The following PUS7 variants were observed in gnomAD, a reference collection of about 807,000 sequenced individuals.
PUS7 encodes the protein pseudouridine synthase 7.
PUS7 carries 48 observed loss-of-function variants against 79.8 expected under a neutral mutation model. The observed-to-expected ratio is 0.60, with a 90% CI of 0.48 to 0.76. The LOEUF is 0.76. Among genes scored for constraint, PUS7 ranks in the 30% least tolerant of loss-of-function variants. PUS7 has a pLI of 0.00. For synonymous variants in PUS7, 286 were observed against 272.2 expected, an observed-to-expected ratio of 1.05 and a Z score of -0.50; for missense variants, 729 against 797.6, an observed-to-expected ratio of 0.91 and a Z score of 1.04.
intron 7 of PUS7, among the ~76,000 whole-genome samples, chr7:105,484,855 ATTTTTTTTTTTT>A: frequency 8.6e-6 from 1 of 116,858 alleles, no homozygotes; most frequent in East Asian, 2.8e-4. Context: ...CCAGTCAGAG[ATTTTTTTTTTTT>A]TTTTTTTTTT....
At chr7:105,518,233 C>T (rs969152462) in intron 1 of PUS7, among the ~76,000 whole-genome samples, 5 of 151,754 alleles carry the variant, frequency 3.3e-5, no homozygotes, top group African/African-American at 7.3e-5. Context: ...AGATCCACTG[C>T]GCCCAGGACG....
intron 14 of PUS7, chr7:105,462,356 TG>T: frequency 3.0e-6 from 1 of 335,734 alleles, no homozygotes. Flanking sequence ...CGCTTGAACC[TG>T]GGAGGCAGAA....
chr7:105,481,505 A>C (rs751992265), intron 8 of PUS7, among the ~76,000 whole-genome samples: 1 of 152,142 alleles, frequency 6.6e-6, no homozygotes, highest in Non-Finnish European at 1.5e-5. Flanking sequence ...TAGTGTTCCA[A>C]TAATGGAACA....
rs1825551836 is a variant in PUS7, at chr7:105,508,273, A to C, written c.240T>G (p.Asp80Glu). 1.2e-6 allele frequency: 2 copies of C among 1,613,936 alleles called. No individual in the cohort carries two copies. Among genetic ancestry groups the C allele is most frequent in the Middle Eastern group, 1.7e-4 (1 of 6,060 alleles). The change falls in exon 2 of 16, where the codon GAT becomes GAG. Residue 80 changes from aspartate to glutamate, a missense_variant. Coordinates refer to ENST00000469408, the MANE Select transcript of PUS7 (RefSeq NM_019042.5). ...GTCCATCTTCCTCCTCTTCTTCCTC[A>C]TCTTCCAACTGAGCCTCAGAATTCT... ...GGKNSEAQLEDEEEEEEDGLS... is the reference protein window; with the variant it reads ...GGKNSEAQLEEEEEEEEDGLS...
intron 12 of PUS7, among the ~76,000 whole-genome samples, chr7:105,466,718 G>C (rs1438462593): frequency 6.6e-6 from 1 of 150,896 alleles, no homozygotes; most frequent in Non-Finnish European, 1.5e-5. Flanking sequence ...ATTTGCAGTG[G>C]CATCATAAAT....
intron 1 of PUS7, among the ~76,000 whole-genome samples, chr7:105,509,971 T>C (rs865999812): frequency 6.6e-6 from 1 of 152,198 alleles, no homozygotes; most frequent in African/African-American, 2.4e-5. Flanking sequence ...CATTTGAAGC[T>C]TGTTTGATGT....
intron 7 of PUS7, among the ~76,000 whole-genome samples, chr7:105,488,166 G>A (rs1440122886): frequency 6.6e-6 from 1 of 152,212 alleles, no homozygotes; most frequent in African/African-American, 2.4e-5. Context: ...TCCTGATGAA[G>A]TGTGACATCT....
intron 11 of PUS7, among the ~76,000 whole-genome samples, chr7:105,468,962 C>A (rs1315558763): frequency 6.6e-6 from 1 of 151,836 alleles, no homozygotes; most frequent in Non-Finnish European, 1.5e-5. Context: ...AGTGCAGTGG[C>A]ATGATCATGG....
At chr7:105,513,344 T>C (rs1240852980) in intron 1 of PUS7, among the ~76,000 whole-genome samples, 1 of 152,138 alleles carries the variant, frequency 6.6e-6, no homozygotes. Flanking sequence ...CTCCTCTCCT[T>C]ATGCAGAAAA....
chr7:105,504,103 CTT>C (rs1825362142), intron 4 of PUS7, among the ~76,000 whole-genome samples: 1 of 143,164 alleles, frequency 7.0e-6, no homozygotes. Context: ...CAGTTTCACT[CTT>C]GTTGCCCAGG....
At chr7:105,498,123 A>C (rs572058245) in intron 5 of PUS7, among the ~76,000 whole-genome samples, 10 of 152,356 alleles carry the variant, frequency 6.6e-5, no homozygotes, top group African/African-American at 2.4e-4. Flanking sequence ...TAGCAAATCC[A>C]AGCACTGAGC....
intron 5 of PUS7, among the ~76,000 whole-genome samples, chr7:105,496,179 A>G (rs1170266939): frequency 7.2e-6 from 1 of 138,704 alleles, no homozygotes; most frequent in Non-Finnish European, 1.5e-5. Context: ...AAAAGTATGC[A>G]TATCTACACA....
At chr7:105,481,204 A>G (rs1240289689) in intron 8 of PUS7, 27 bp from the exon 9 acceptor site, 1 of 1,588,296 alleles carries the variant, frequency 6.3e-7, no homozygotes, top group African/African-American at 1.4e-5. Context: ...TATCCAGAGG[A>G]AAAAAAGTTA....
intron 2 of PUS7, among the ~76,000 whole-genome samples, chr7:105,506,827 T>C (rs969077332): frequency 6.6e-6 from 1 of 152,102 alleles, no homozygotes; most frequent in Non-Finnish European, 1.5e-5. Flanking sequence ...TCCAGAGAAA[T>C]GCAAAAACAA....
chr7:105,518,828 G>A (rs1187366377), intron 1 of PUS7, among the ~76,000 whole-genome samples: 1 of 151,940 alleles, frequency 6.6e-6, no homozygotes, highest in Non-Finnish European at 1.5e-5. Flanking sequence ...GAGTGCAGTG[G>A]CGCAATCTCG....
At chr7:105,468,886 G>A (rs1823766943) in intron 11 of PUS7, among the ~76,000 whole-genome samples, 1 of 151,762 alleles carries the variant, frequency 6.6e-6, no homozygotes, top group Non-Finnish European at 1.5e-5. Context: ...AACTTCTACT[G>A]TACTTATTTA....
rs139058270 is a variant in PUS7, at chr7:105,508,236, A to T, written c.277T>A (p.Cys93Ser). ...EEEEDGLSEECEEEESESFAD... is the reference protein window; with the variant it reads ...EEEEDGLSEESEEEESESFAD... ...AAACTCTCTGATTCCTCCTCCTCGC[A>T]CTCCTCTGAAAGTCCATCTTCCTCC... is the stretch of plus-strand genomic sequence containing the variant. The change falls in exon 2 of 16, where the codon TGC (cysteine) becomes AGC (serine). Residue 93 changes from cysteine (C) to serine (S), a missense_variant. Physicochemically the swap from Cys to Ser is moderately radical, Grantham distance 112 (BLOSUM62 -1). Transcript: ENST00000469408. 2.5e-6 allele frequency: 4 copies of T among 1,613,428 alleles called. No individual in the cohort carries two copies. Among genetic ancestry groups the T allele is most frequent in the Middle Eastern group, 1.6e-4 (1 of 6,084 alleles).
chr7:105,507,785 G>A (rs1374497275), intron 2 of PUS7, among the ~76,000 whole-genome samples: 1 of 152,030 alleles, frequency 6.6e-6, no homozygotes, highest in Non-Finnish European at 1.5e-5. Context: ...CAAGTGATCC[G>A]CCAGCCTCGG....
chr7:105,476,281 C>A (rs897595243), intron 9 of PUS7, among the ~76,000 whole-genome samples: 1 of 152,022 alleles, frequency 6.6e-6, no homozygotes, highest in Non-Finnish European at 1.5e-5. Context: ...CATGAGTGTA[C>A]AAATATCTGG....
Sources: gnomAD v4.1 joint callset for allele counts (sites outside exome capture counted in the v4.1 genomes callset) on GRCh38, gnomAD v4.1.1 for gene constraint, MANE v1.5 for transcripts, NCBI Gene and HGNC (gene_info 2026-07-23, HGNC 2026-07-21) for gene names.